Variants in DNER observed in about 807,000 individuals in gnomAD.
The protein encoded by DNER is delta/notch like EGF repeat containing, also known as delta and Notch-like epidermal growth factor-related receptor.
A neutral mutation model predicts 78.2 loss-of-function variants in DNER; 33 were observed. That is an observed-to-expected ratio of 0.42 (90% CI 0.32 to 0.56). DNER has a LOEUF of 0.56. Ranked by LOEUF, DNER falls within the 20% of genes least tolerant of loss-of-function variation. The probability of loss-of-function intolerance (pLI) is 0.11; values close to 1 mark genes in which losing one functional copy is unlikely to be tolerated. For missense variants in DNER, 918 were observed against 975.3 expected (o/e 0.94, Z 0.78); for synonymous variants, 417 against 384.8 (o/e 1.08, Z -0.98).
intron 8 of DNER, among the ~76,000 whole-genome samples, chr2:229,430,303 T>C (rs1693976943): frequency 2.0e-5 from 3 of 152,172 alleles, no homozygotes; most frequent in Non-Finnish European, 4.4e-5. Flanking sequence ...TTAATACTGA[T>C]TAACTGATGG....
intron 1 of DNER, among the ~76,000 whole-genome samples, chr2:229,684,497 C>G (rs1373290764): frequency 1.3e-5 from 2 of 152,088 alleles, no homozygotes; most frequent in East Asian, 3.9e-4. Context: ...CCATTTCCCT[C>G]TGGAGATGTC....
At chr2:229,413,988 T>C (rs985992956) in intron 9 of DNER, among the ~76,000 whole-genome samples, 3 of 151,994 alleles carry the variant, frequency 2.0e-5, no homozygotes, top group African/African-American at 7.2e-5. Flanking sequence ...TAAATATATA[T>C]TGGCAAAAAT....
chr2:229,452,062 A>G (rs1694468935), intron 7 of DNER, among the ~76,000 whole-genome samples: 1 of 152,196 alleles, frequency 6.6e-6, no homozygotes, highest in South Asian at 2.1e-4. Flanking sequence ...AGGCCAGGTC[A>G]CGACTGGTCT....
intron 1 of DNER, among the ~76,000 whole-genome samples, chr2:229,642,188 T>C (rs1021825956): frequency 6.6e-6 from 1 of 152,218 alleles, no homozygotes; most frequent in African/African-American, 2.4e-5. Flanking sequence ...TAAGGTTTCA[T>C]TCAAAGGGGG....
chr2:229,713,939 C>T (rs1699949539), intron 1 of DNER, among the ~76,000 whole-genome samples: 1 of 152,166 alleles, frequency 6.6e-6, no homozygotes, highest in African/African-American at 2.4e-5. Context: ...GCCCGGCTGG[C>T]CCCGCCCGGG....
At chr2:229,681,785 G>A (rs1699390360) in intron 1 of DNER, among the ~76,000 whole-genome samples, 1 of 149,852 alleles carries the variant, frequency 6.7e-6, no homozygotes, top group South Asian at 2.1e-4. Context: ...AAATTCAGTG[G>A]AGTTCATTTA....
chr2:229,510,091 G>A (rs1298898566), intron 6 of DNER, among the ~76,000 whole-genome samples: 1 of 152,118 alleles, frequency 6.6e-6, no homozygotes, highest in Non-Finnish European at 1.5e-5. Flanking sequence ...GGTTGAGAGG[G>A]TGGATCCTGT....
At chr2:229,544,177 A>G (rs1283018484) in intron 5 of DNER, among the ~76,000 whole-genome samples, 1 of 152,076 alleles carries the variant, frequency 6.6e-6, no homozygotes, top group African/African-American at 2.4e-5. Context: ...TGTCCTTCAC[A>G]TTTTTTTCCC....
At chr2:229,513,926 T>C in intron 5 of DNER, among the ~76,000 whole-genome samples, 1 of 151,712 alleles carries the variant, frequency 6.6e-6, no homozygotes. Flanking sequence ...CTGCTAATCT[T>C]AGAAAGAGAC....
At chr2:229,457,390 T>C (rs1694599149) in intron 7 of DNER, among the ~76,000 whole-genome samples, 1 of 152,052 alleles carries the variant, frequency 6.6e-6, no homozygotes, top group African/African-American at 2.4e-5. Flanking sequence ...GGGAAGTTAA[T>C]AGAATTTTAC....
intron 10 of DNER, among the ~76,000 whole-genome samples, chr2:229,402,664 C>T (rs1693293264): frequency 6.6e-6 from 1 of 152,204 alleles, no homozygotes; most frequent in Non-Finnish European, 1.5e-5. Flanking sequence ...GAATCTTTGG[C>T]TTCCCTGTTG....
At chr2:229,524,300 A>T (rs1035555394) in intron 5 of DNER, among the ~76,000 whole-genome samples, 1 of 152,188 alleles carries the variant, frequency 6.6e-6, no homozygotes, top group Non-Finnish European at 1.5e-5. Context: ...TATTTATTGC[A>T]TTGTTTCCTG....
chr2:229,599,753 A>G (rs2154214876), intron 1 of DNER, among the ~76,000 whole-genome samples: 1 of 152,374 alleles, frequency 6.6e-6, no homozygotes, highest in Non-Finnish European at 1.5e-5. Flanking sequence ...TTTTTAGGAT[A>G]AATACAAGAT....
chr2:229,671,037 GT>G (rs952326322), intron 1 of DNER, among the ~76,000 whole-genome samples: 3 of 152,002 alleles, frequency 2.0e-5, no homozygotes, highest in Admixed American at 1.3e-4. Context: ...TATTTCCAAA[GT>G]TTTTTTATTA....
intron 4 of DNER, among the ~76,000 whole-genome samples, chr2:229,584,820 G>A (rs1393772787): frequency 6.6e-6 from 1 of 150,798 alleles, no homozygotes; most frequent in African/African-American, 2.4e-5. Context: ...TGTAGTCCCA[G>A]CTACTTGGGA....
chr2:229,383,879 G>A (rs981441559), intron 11 of DNER, among the ~76,000 whole-genome samples: 1 of 152,144 alleles, frequency 6.6e-6, no homozygotes, highest in Non-Finnish European at 1.5e-5. Flanking sequence ...AGAATATTCA[G>A]GACTTGAACT....
intron 7 of DNER, among the ~76,000 whole-genome samples, chr2:229,465,888 G>A (rs965873821): frequency 6.6e-5 from 10 of 151,858 alleles, no homozygotes; most frequent in South Asian, 2.1e-4. Context: ...TAGCACCCCC[G>A]TATATCAAGT....
At chr2:229,678,834 G>A (rs1453894902) in intron 1 of DNER, among the ~76,000 whole-genome samples, 1 of 152,180 alleles carries the variant, frequency 6.6e-6, no homozygotes, top group Admixed American at 6.5e-5. Flanking sequence ...GGAAGTGATT[G>A]ACAGAAAGAT....
chr2:229,588,057 A>G (rs1041352282), intron 3 of DNER, among the ~76,000 whole-genome samples: 5 of 152,260 alleles, frequency 3.3e-5, no homozygotes, highest in Non-Finnish European at 7.3e-5. Context: ...TGATGGTCCA[A>G]TAAAATCTTA....
Sources: allele counts gnomAD v4.1 joint callset (sites outside exome capture counted in the v4.1 genomes callset), GRCh38; gene constraint gnomAD v4.1.1; transcripts MANE v1.5; gene names NCBI Gene and HGNC (gene_info 2026-07-23, HGNC 2026-07-21).